MARCHF9: variants seen among roughly 807,000 people sequenced by gnomAD.
MARCHF9 encodes the protein E3 ubiquitin-protein ligase MARCHF9.
MARCHF9 carries 17 observed loss-of-function variants against 35.2 expected under a neutral mutation model. The ratio of observed to expected loss-of-function variants is 0.48; its 90% CI spans 0.33 to 0.72. The LOEUF (loss-of-function observed/expected upper bound fraction) is 0.72, where lower values mean the gene tolerates loss of function less well. Ranked by LOEUF, MARCHF9 falls within the 30% of genes least tolerant of loss-of-function variation. The pLI, the probability that MARCHF9 is intolerant of heterozygous loss-of-function variation, is 0.02. For synonymous variants in MARCHF9, 183 were observed against 207.4 expected (o/e 0.88, Z 1.01); for missense variants, 386 against 478.2 (o/e 0.81, Z 1.80).
chr12:57,758,510 T>C lies in MARCHF9; in HGVS notation c.707-53T>C. Reference sequence around the variant, plus strand: ...GAAGAAATGCTTGCTTAAGTACCTCTGGCCTAGATCTAGGCCACAGTTAAC... The same window carrying C: ...GAAGAAATGCTTGCTTAAGTACCTCCGGCCTAGATCTAGGCCACAGTTAAC... On this transcript the variant is annotated intron_variant, in intron 3 of 3. Coordinates refer to ENST00000266643, the MANE Select transcript of MARCHF9 (RefSeq NM_138396.6). This position sits in a 1 kb window ranked among gnomAD's most constrained non-coding sequence, Gnocchi z 5.4. The C allele has an allele frequency of 6.6e-7, 1 of 1,514,078 alleles. No individual in the cohort carries two copies. The highest frequency in any genetic ancestry group is 1.3e-5 in the South Asian group (1 of 76,968). 93.8% of individuals were successfully genotyped at this position (1,514,078 alleles called of 1,614,324 possible).
chr12:57,757,716 T>C (rs1955296337), intron 2 of MARCHF9: 1 of 524,062 alleles, frequency 1.9e-6, no homozygotes, highest in Non-Finnish European at 3.4e-6. Context: ...GTGTTTTCTG[T>C]GTCAAGTTTT....
chr12:57,757,972 G>A (rs1395870785), intron 2 of MARCHF9, 136 bp from the exon 3 acceptor site: 4 of 866,738 alleles, frequency 4.6e-6, no homozygotes, highest in Non-Finnish European at 7.7e-6. Context: ...ATTTAATCAA[G>A]GCACAGAGAA....
At position 57,755,816 on chromosome 12, in the gene MARCHF9, G is replaced by T; in HGVS notation, c.288G>T (p.Ser96=). ...CCCCGGGCGCGCTGGACGCCCTGTC[G>T]CTCAGCAGTAGCCTGGACAGCGGAC... ...LPPPGALDAL[S]LSSSLDSGLR... Residue 96 remains serine (S), a synonymous_variant, in exon 1 of 4, where the codon TCG becomes TCT. Transcript: ENST00000266643. The T allele has an allele frequency of 7.1e-7, 1 of 1,418,250 alleles. No homozygotes were observed. The highest frequency in any genetic ancestry group is 9.2e-7 in the Non-Finnish European group (1 of 1,085,848). 87.9% of individuals were successfully genotyped at this position (1,418,250 alleles called of 1,614,324 possible).
intron 1 of MARCHF9, among the ~76,000 whole-genome samples, chr12:57,756,265 T>G (rs962397411): frequency 6.6e-6 from 1 of 152,196 alleles, no homozygotes; most frequent in African/African-American, 2.4e-5. Context: ...GCCAGCGCCC[T>G]TGCTTAGCTC....
rs1187193777 is a variant in MARCHF9 at position 57,759,036 on chromosome 12, C to G, written c.*139C>G. The G allele has an allele frequency of 3.5e-6, 3 of 863,180 alleles. No homozygotes were observed. Among genetic ancestry groups the G allele is most frequent in the Non-Finnish European group, 5.2e-6 (3 of 581,236 alleles). 53.5% of individuals were successfully genotyped at this position (863,180 alleles called of 1,614,324 possible). A position where few individuals can be genotyped will look rare whatever the true frequency, so the allele number is the denominator to read the frequency against. On this transcript the variant is annotated 3_prime_UTR_variant, in exon 4 of 4. Coordinates refer to ENST00000266643, the MANE Select transcript of MARCHF9 (RefSeq NM_138396.6). The stretch of plus-strand genomic sequence containing the variant: ...GAGGATCTGTGTGGGTAGCCTCAAG[C>G]TGGAGACATTGTCTGGCCTCACTGC...
chr12:57,760,084 G>A lies in MARCHF9; in HGVS notation c.*1187G>A, dbSNP rs1314710593. ...GTGTGAAGTGAATTTGGACTCATTTGGAGTGAGATGGAGGGAATCCCCCCA... is the reference window on the plus strand; with the variant it reads ...GTGTGAAGTGAATTTGGACTCATTTAGAGTGAGATGGAGGGAATCCCCCCA... On this transcript the variant is annotated 3_prime_UTR_variant, in exon 4 of 4. Coordinates refer to ENST00000266643, the MANE Select transcript of MARCHF9 (RefSeq NM_138396.6). The A allele has an allele frequency of 6.6e-6, 1 of 152,204 alleles. No individual in the cohort carries two copies. The highest frequency in any genetic ancestry group is 1.5e-5 in the Non-Finnish European group (1 of 68,046). 9.4% of individuals were successfully genotyped at this position (152,204 alleles called of 1,614,324 possible).
At chr12:57,757,307 T>C (rs1355942106) in intron 2 of MARCHF9, 1 of 383,056 alleles carries the variant, frequency 2.6e-6, no homozygotes, top group Admixed American at 4.7e-5. Flanking sequence ...TTCTAGGCAC[T>C]GGGACAATCA....
intron 2 of MARCHF9, chr12:57,757,857 G>A: frequency 4.9e-6 from 3 of 614,464 alleles, no homozygotes; most frequent in Middle Eastern, 2.6e-4. Flanking sequence ...AAGTGATGGA[G>A]TCAAGATTTA....
rs1166145623 is a variant in MARCHF9 at position 57,755,607 on chromosome 12, G to A, written c.79G>A (p.Glu27Lys). ...GACAGGCGGGGGGCGGCCCCGGGCC[G>A]AGCCGCAACCCCGGGGGGGCCGGGG... ...VLTGGGRPRAEPQPRGGRGGG... is the reference protein window; with the variant it reads ...VLTGGGRPRAKPQPRGGRGGG... The change falls in exon 1 of 4, where the codon GAG becomes AAG. Residue 27 changes from glutamate (E) to lysine (K), a missense_variant. By Grantham distance (56) the Glu-to-Lys change is moderately conservative. Around this residue, in one of 3 missense-constraint regions of MARCHF9, gnomAD observed 56 missense variants for 49.6 expected, o/e 1.13. Coordinates refer to ENST00000266643, the MANE Select transcript of MARCHF9 (RefSeq NM_138396.6). The A allele has an allele frequency of 5.2e-6, 7 of 1,354,926 alleles. No individual in the cohort carries two copies. The highest frequency in any genetic ancestry group is 3.1e-5 in the East Asian group (1 of 32,350). The allele number at this position is 1,354,926 out of a possible 1,614,324, so 83.9% of individuals were successfully genotyped here.
Position 57,759,097 on chromosome 12 carries a change from C to A in MARCHF9, c.*200C>A. On this transcript the variant is annotated 3_prime_UTR_variant, in exon 4 of 4. Coordinates refer to ENST00000266643, the MANE Select transcript of MARCHF9 (RefSeq NM_138396.6). Reference sequence around the variant, plus strand: ...GAGACACCTGGATGACATTTCAGTACCCGCTGGCAGCTCCTCCCACTCATC... The same window carrying A: ...GAGACACCTGGATGACATTTCAGTAACCGCTGGCAGCTCCTCCCACTCATC... 1.8e-6 allele frequency: 1 copy of A among 549,298 alleles called. No homozygotes were observed. Among genetic ancestry groups the A allele is most frequent in the East Asian group, 3.0e-5 (1 of 33,704 alleles). 34.0% of individuals were successfully genotyped at this position (549,298 alleles called of 1,614,324 possible). A position where few individuals can be genotyped will look rare whatever the true frequency, so the allele number is the denominator to read the frequency against.
At position 57,758,853 on chromosome 12, in the gene MARCHF9, T is replaced by C; in HGVS notation, c.997T>C (p.Ser333Pro). The stretch of plus-strand genomic sequence containing the variant: ...GCGGCCACCAGATGCCCGTTCCAGC[T>C]CCCATTCTGGCCGAGAGGTTGTCAT... ...QLRPPDARSS[S>P]HSGREVVMRV... The change falls in exon 4 of 4, where the codon TCC (serine) becomes CCC (proline). Residue 333 changes from serine to proline, a missense_variant. By Grantham distance (74) the Ser-to-Pro change is moderately conservative (BLOSUM62 -1). Coordinates refer to ENST00000266643, the MANE Select transcript of MARCHF9 (RefSeq NM_138396.6). This position sits in a 1 kb window ranked among gnomAD's most constrained non-coding sequence, Gnocchi z 5.4. The C allele has an allele frequency of 6.2e-7, 1 of 1,608,786 alleles. No homozygotes were observed. Among genetic ancestry groups the C allele is most frequent in the South Asian group, 1.1e-5 (1 of 90,850 alleles).
intron 2 of MARCHF9, 75 bp downstream of exon 2, chr12:57,757,159 C>A (rs1205430482): frequency 2.1e-6 from 3 of 1,420,662 alleles, no homozygotes; most frequent in Non-Finnish European, 2.8e-6. Context: ...CTCCAGGAAG[C>A]CTATTTCATT....
chr12:57,756,958 C>A lies in MARCHF9; in HGVS notation c.387C>A (p.Asp129Glu). 1 of 1,577,002 alleles carries A rather than the reference C, an allele frequency of 6.3e-7. No homozygotes were observed. The highest frequency in any genetic ancestry group is 1.2e-5 in the South Asian group (1 of 86,232). ...QGELLSPCRCDGSVRCTHQPC... is the reference protein window; with the variant it reads ...QGELLSPCRCEGSVRCTHQPC... The stretch of plus-strand genomic sequence containing the variant: ...AGCTCTTAAGCCCCTGCCGCTGCGA[C>A]GGCTCAGTGCGCTGCACGCATCAGC... The change falls in exon 2 of 4, where the codon GAC becomes GAA. Residue 129 changes from aspartate (D) to glutamate (E), a missense_variant. This residue lies in a region of MARCHF9 where 219 missense variants were observed against 316.2 expected (regional missense o/e 0.69). Transcript: ENST00000266643.
chr12:57,756,980 C>A lies in MARCHF9; in HGVS notation c.409C>A (p.Gln137Lys). ...CGACGGCTCAGTGCGCTGCACGCAT[C>A]AGCCCTGCCTCATCCGCTGGATCAG... The part of the protein sequence containing the change: ...RCDGSVRCTH[Q>K]PCLIRWISER... Residue 137 changes from glutamine to lysine, a missense_variant, in exon 2 of 4, where the codon CAG becomes AAG. Gln to Lys is a moderately conservative substitution (Grantham distance 53, BLOSUM62 1). Coordinates refer to ENST00000266643, the MANE Select transcript of MARCHF9 (RefSeq NM_138396.6). 1 of 1,601,218 alleles carries A rather than the reference C, an allele frequency of 6.2e-7. No individual in the cohort carries two copies. The highest frequency in any genetic ancestry group is 8.5e-7 in the Non-Finnish European group (1 of 1,174,232).
intron 1 of MARCHF9, 103 bp downstream of exon 1, chr12:57,755,988 C>G: frequency 2.4e-6 from 2 of 822,168 alleles, no homozygotes; most frequent in Non-Finnish European, 3.3e-6. Flanking sequence ...CTGGGCGGGC[C>G]CCAGGACACG....
At chr12:57,756,446 C>T (rs1414796737) in intron 1 of MARCHF9, among the ~76,000 whole-genome samples, 2 of 152,138 alleles carry the variant, frequency 1.3e-5, no homozygotes, top group Non-Finnish European at 2.9e-5. Flanking sequence ...AAACACCCTT[C>T]ACTCCCACCT....
intron 2 of MARCHF9, 146 bp downstream of exon 2, chr12:57,757,230 A>T (rs776537768): frequency 2.3e-6 from 2 of 865,826 alleles, no homozygotes; most frequent in African/African-American, 3.5e-5. Context: ...GTGTCTGTAT[A>T]TCCTTCCTAA....
intron 1 of MARCHF9, among the ~76,000 whole-genome samples, chr12:57,756,570 C>A (rs1359056647): frequency 6.6e-6 from 1 of 152,130 alleles, no homozygotes; most frequent in African/African-American, 2.4e-5. Flanking sequence ...GAAAGCATGG[C>A]TCAGAAGCTC....
rs17856312 is a variant in MARCHF9, at chr12:57,758,627, G to T, written c.771G>T (p.Gln257His). The T allele has an allele frequency of 6.2e-7, 1 of 1,614,110 alleles. No individual in the cohort carries two copies. The change falls in exon 4 of 4, where the codon CAG (glutamine) becomes CAT (histidine). Residue 257 changes from glutamine (Q) to histidine (H), a missense_variant. Gln to His is a conservative substitution (Grantham distance 24). This residue lies in a region of MARCHF9 where 219 missense variants were observed against 316.2 expected (regional missense o/e 0.69). Coordinates refer to ENST00000266643, the MANE Select transcript of MARCHF9 (RefSeq NM_138396.6). The surrounding 1 kb of genome is among the most constrained non-coding windows in gnomAD (Gnocchi z 5.4). ...RIFKRWQAVNQQWKVLNYDKT... is the reference protein window; with the variant it reads ...RIFKRWQAVNHQWKVLNYDKT... ...TCAAGCGCTGGCAGGCAGTGAACCA[G>T]CAGTGGAAGGTCCTAAATTATGACA...
Sources: allele counts gnomAD v4.1 joint callset (sites outside exome capture counted in the v4.1 genomes callset), GRCh38; gene constraint gnomAD v4.1.1; regional missense constraint gnomAD v4.1.1; non-coding constraint Gnocchi (gnomAD v3.1); transcripts MANE v1.5; gene names NCBI Gene and HGNC (gene_info 2026-07-23, HGNC 2026-07-21).